Variants in CSDE1 observed in about 807,000 individuals in gnomAD.
The protein encoded by CSDE1 is cold shock domain containing E1, also known as cold shock domain-containing protein E1.
Under a neutral mutation model 89.3 loss-of-function variants are expected in CSDE1, and 17 were observed. The observed-to-expected ratio is 0.19, with a 90% CI of 0.13 to 0.29. The LOEUF (loss-of-function observed/expected upper bound fraction) is 0.29. CSDE1 is among the 10% of genes least tolerant of loss of function. CSDE1 has a pLI of 1.00. For synonymous variants in CSDE1, 322 were observed against 332.8 expected (o/e 0.97, Z 0.35); for missense variants, 672 against 984.2 (o/e 0.68, Z 4.24).
At chr1:114,742,347 G>A (rs1660773584) in intron 2 of CSDE1, among the ~76,000 whole-genome samples, 1 of 152,152 alleles carries the variant, frequency 6.6e-6, no homozygotes, top group African/African-American at 2.4e-5. Context: ...TCCCAGCACA[G>A]GGAGGCCGGG....
chr1:114,749,316 C>T (rs1187734347), intron 2 of CSDE1, among the ~76,000 whole-genome samples: 1 of 152,114 alleles, frequency 6.6e-6, no homozygotes, highest in African/African-American at 2.4e-5. Context: ...TATATTTCAG[C>T]ACTAGCAATG....
chr1:114,739,036 CT>C (rs946443475), intron 3 of CSDE1, among the ~76,000 whole-genome samples: 200 of 141,612 alleles, frequency 1.4e-3, no homozygotes, highest in Admixed American at 1.9e-3. Flanking sequence ...TAAGAGGTGA[CT>C]TTTTTTTTTT....
rs376861013 is a variant in CSDE1, at chr1:114,726,992, T to C, written c.1455A>G (p.Ile485Met). 3.1e-6 allele frequency: 5 copies of C among 1,608,114 alleles called. No individual in the cohort carries two copies. The highest frequency in any genetic ancestry group is 4.3e-6 in the Non-Finnish European group (5 of 1,174,618). ...AGCAGAATTATCTTGCCTTATCTCC[T>C]ATTTGAGGAGAAGTAGATCCTTCCA... ...KDVEGSTSPQ[I>M]GDKVEFSISD... Residue 485 changes from isoleucine (I) to methionine (M), a missense_variant, in exon 13 of 20, where the codon ATA (isoleucine) becomes ATG (methionine). Physicochemically the swap from Ile to Met is conservative, Grantham distance 10. Transcript: ENST00000358528.
At chr1:114,730,709 T>G (rs1286989150) in intron 10 of CSDE1, 61 bp from the exon 11 acceptor site, 24 of 1,584,956 alleles carry the variant, frequency 1.5e-5, no homozygotes, top group Non-Finnish European at 8.6e-7. Context: ...ACATTCAACT[T>G]TACAACCACC....
In CSDE1 at chr1:114,737,984, A is replaced by C. The variant is rs61752481; in HGVS notation, c.288T>G (p.Pro96=). 73,981 of 1,612,768 alleles carry C rather than the reference A, an allele frequency of 0.046. 2,113 individuals are homozygous for C. Among genetic ancestry groups the C allele is most frequent in the South Asian group, 0.1 (9,337 of 91,020 alleles). ...TAACTTGTCCATTCATTCGTTCTTC[A>C]GGGAGGATTTCTTGTTTTATCTTCA... is the stretch of plus-strand genomic sequence containing the variant. ...KLVKIKQEIL[P]EERMNGQVVC... is the part of the protein sequence containing the mutation. The change falls in exon 4 of 20, where the codon CCT becomes CCG. Residue 96 remains proline (P), a synonymous_variant. Coordinates refer to ENST00000358528, the MANE Select transcript of CSDE1 (RefSeq NM_001007553.3).
intron 2 of CSDE1, among the ~76,000 whole-genome samples, chr1:114,744,439 A>G (rs527351436): frequency 6.6e-6 from 1 of 152,080 alleles, no homozygotes; most frequent in South Asian, 2.1e-4. Context: ...AAATTAGCCA[A>G]AATTAGCTGG....
rs991282794 is a variant in CSDE1, at chr1:114,749,902, T to C, written c.-82A>G. 2.6e-5 allele frequency: 4 copies of C among 152,652 alleles called. No individual in the cohort carries two copies. Among genetic ancestry groups the C allele is most frequent in the African/African-American group, 4.8e-5 (2 of 41,552 alleles). The allele number at this position is 152,652 out of a possible 1,614,324, so 9.5% of individuals were successfully genotyped here. A position where few individuals can be genotyped will look rare whatever the true frequency, so the allele number is the denominator to read the frequency against. On this transcript the variant is annotated 5_prime_UTR_variant, in exon 2 of 20. Coordinates refer to ENST00000358528, the MANE Select transcript of CSDE1 (RefSeq NM_001007553.3). ...CAGCACACGTTTCAAAGGATGAAAGTTGCTAGTATTAAAAAAAAGAGCGAG... is the reference window on the plus strand; with the variant it reads ...CAGCACACGTTTCAAAGGATGAAAGCTGCTAGTATTAAAAAAAAGAGCGAG...
intron 2 of CSDE1, among the ~76,000 whole-genome samples, chr1:114,747,447 CATTT>C (rs1661073045): frequency 6.6e-6 from 1 of 152,124 alleles, no homozygotes; most frequent in African/African-American, 2.4e-5. Flanking sequence ...GCTATGGATG[CATTT>C]ATATATTAAA....
intron 1 of CSDE1, among the ~76,000 whole-genome samples, chr1:114,757,435 T>C (rs560794757): frequency 1.6e-4 from 24 of 152,088 alleles, no homozygotes; most frequent in Admixed American, 7.9e-4. Flanking sequence ...AGAGTCAAAG[T>C]AGGCCCCTCT....
At chr1:114,746,797 T>C (rs1215983492) in intron 2 of CSDE1, 1 of 152,210 alleles carries the variant, frequency 6.6e-6, no homozygotes, top group Non-Finnish European at 1.5e-5. Flanking sequence ...TGCCAAGTTA[T>C]TTATTCACTG....
intron 2 of CSDE1, among the ~76,000 whole-genome samples, chr1:114,742,167 G>A (rs1306820387): frequency 6.6e-6 from 1 of 152,196 alleles, no homozygotes; most frequent in Non-Finnish European, 1.5e-5. Flanking sequence ...GTATTCTGAG[G>A]AAAGAGTGGA....
Position 114,727,040 on chromosome 1 carries a change from A to C in CSDE1, c.1407T>G (p.Thr469=). The C allele has an allele frequency of 6.2e-7, 1 of 1,613,902 alleles. No individual in the cohort carries two copies. The highest frequency in any genetic ancestry group is 8.5e-7 in the Non-Finnish European group (1 of 1,179,838). ...CCACATCCTTGGCTTGAAAAGCAAT[A>C]GTCAGTTTCACCCCACAGTCATCAT... The part of the protein sequence containing the change: ...IAYDDCGVKL[T]IAFQAKDVEG... The change falls in exon 13 of 20, where the codon ACT becomes ACG. Residue 469 remains threonine (T), a synonymous_variant. Coordinates refer to ENST00000358528, the MANE Select transcript of CSDE1 (RefSeq NM_001007553.3).
chr1:114,756,613 G>T (rs563092615), intron 1 of CSDE1, among the ~76,000 whole-genome samples: 1 of 152,260 alleles, frequency 6.6e-6, no homozygotes, highest in Admixed American at 6.5e-5. Flanking sequence ...CAGTGGCTGA[G>T]AACTGCCAGT....
rs1660500947 is a variant in CSDE1 at position 114,738,025 on chromosome 1, T to G, written c.247A>C (p.Ile83Leu). Residue 83 changes from isoleucine to leucine, a missense_variant, in exon 4 of 20, where the codon ATT becomes CTT. Ile to Leu is a conservative substitution (Grantham distance 5). This residue lies in a region of CSDE1 where 124 missense variants were observed against 138.7 expected (regional missense o/e 0.89). Transcript: ENST00000358528. ...TTTATCTTCACCAGTTTAACAGCAA[T>G]GGGTTTCCCAGTCCGTCGGTCCGAT... ...VSSDRRTGKP[I>L]AVKLVKIKQE... 1 of 1,613,988 alleles carries G rather than the reference T, an allele frequency of 6.2e-7. No homozygotes were observed. Among genetic ancestry groups the G allele is most frequent in the Non-Finnish European group, 8.5e-7 (1 of 1,179,936 alleles).
chr1:114,740,010 G>A (rs773764919), intron 2 of CSDE1, 120 bp from the exon 3 acceptor site: 7 of 736,106 alleles, frequency 9.5e-6, no homozygotes, highest in Non-Finnish European at 1.6e-5. Flanking sequence ...AAAATGAAGG[G>A]AAGATTATAG....
chr1:114,724,882 C>A (rs1454004180), intron 15 of CSDE1, among the ~76,000 whole-genome samples: 1 of 152,162 alleles, frequency 6.6e-6, no homozygotes, highest in East Asian at 1.9e-4. Flanking sequence ...ACTACCACAG[C>A]TGGCTATCCT....
intron 6 of CSDE1, among the ~76,000 whole-genome samples, chr1:114,734,961 G>A (rs1199964283): frequency 6.6e-6 from 1 of 152,188 alleles, no homozygotes; most frequent in Non-Finnish European, 1.5e-5. Flanking sequence ...GTAAGGTACT[G>A]GTGATACAGA....
chr1:114,748,922 C>A (rs1348522718), intron 2 of CSDE1, among the ~76,000 whole-genome samples: 1 of 152,202 alleles, frequency 6.6e-6, no homozygotes, highest in African/African-American at 2.4e-5. Flanking sequence ...TTATAGACAT[C>A]TGATGGCTCT....
rs372591451 is a variant in CSDE1, at chr1:114,738,552, T to C, written c.200-480A>G. On this transcript the variant is annotated intron_variant, in intron 3 of 19. Transcript: ENST00000358528. ...TAACCAAAACAATGTTCCTATAGCA[T>C]GCATCTTGTTAGCTATTATACTGAC... Among the ~76,000 whole-genome samples the C allele has an allele frequency of 1.3e-4, 20 of 152,048 alleles. No homozygotes were observed. In the East Asian group the frequency reaches 2.3e-3, roughly 18 times the overall value.
Sources: gnomAD v4.1 joint callset for allele counts (sites outside exome capture counted in the v4.1 genomes callset) on GRCh38, gnomAD v4.1.1 for gene constraint, gnomAD v4.1.1 regional missense constraint, MANE v1.5 for transcripts, NCBI Gene and HGNC (gene_info 2026-07-23, HGNC 2026-07-21) for gene names.